The following NUP88 variants were observed in gnomAD, a reference collection of about 807,000 sequenced individuals.
NUP88 encodes nucleoporin 88, also known as nuclear pore complex protein Nup88.
In NUP88, 57 loss-of-function variants were observed where a neutral mutation model predicts 93.9. The observed-to-expected ratio is 0.61, with a 90% CI of 0.49 to 0.76. The LOEUF (loss-of-function observed/expected upper bound fraction) is 0.76, where lower values mean the gene tolerates loss of function less well. Ranked by LOEUF, NUP88 falls within the 30% of genes least tolerant of loss-of-function variation. NUP88 has a pLI of 0.00. For missense variants in NUP88, 911 were observed against 901.0 expected (o/e 1.01, Z -0.14); for synonymous variants, 346 against 336.8 (o/e 1.03, Z -0.30).
In NUP88 at chr17:5,410,752, C is replaced by T. The variant is rs370486112; in HGVS notation, c.631G>A (p.Val211Met). 46 of 1,612,904 alleles carry T rather than the reference C, an allele frequency of 2.9e-5. No individual in the cohort carries two copies. The Admixed American group carries it at 4.5e-4, about 16-fold the overall frequency. The stretch of plus-strand genomic sequence containing the variant: ...TCTTCGGCTTCTGAAAGTATTATCA[C>T]GTTAGTGGGTGTCTGCGGCTCACGT... ...SLREPQTPTN[V>M]IILSEAEEES... Residue 211 changes from valine (V) to methionine (M), a missense_variant, in exon 4 of 17, where the codon GTG becomes ATG. Val to Met is a conservative substitution (Grantham distance 21, BLOSUM62 1). Coordinates refer to ENST00000573584, the MANE Select transcript of NUP88 (RefSeq NM_002532.6).
chr17:5,419,018 T>G (rs942293106), intron 1 of NUP88, among the ~76,000 whole-genome samples: 1 of 152,236 alleles, frequency 6.6e-6, no homozygotes, highest in South Asian at 2.1e-4. Flanking sequence ...TAACCTATTA[T>G]AAGCGTCACA....
At chr17:5,400,493 C>CAAA (rs1187634728) in intron 7 of NUP88, among the ~76,000 whole-genome samples, 28 of 44,690 alleles carry the variant, frequency 6.3e-4, no homozygotes, top group African/African-American at 1.6e-3. Flanking sequence ...AACTCCGTCT[C>CAAA]AAAAAAAAAA....
chr17:5,392,763 T>C (rs952553901), intron 9 of NUP88, among the ~76,000 whole-genome samples: 1 of 152,224 alleles, frequency 6.6e-6, no homozygotes, highest in African/African-American at 2.4e-5. Context: ...TGTTTAATTT[T>C]ACCTGTTTCT....
chr17:5,390,637 G>A (rs890240536), intron 10 of NUP88, among the ~76,000 whole-genome samples: 1 of 152,116 alleles, frequency 6.6e-6, no homozygotes, highest in South Asian at 2.1e-4. Flanking sequence ...GTTGGAAAAG[G>A]AACATAGTGA....
chr17:5,395,222 ATT>A (rs1232931977), intron 8 of NUP88, among the ~76,000 whole-genome samples: 3 of 152,180 alleles, frequency 2.0e-5, no homozygotes, highest in African/African-American at 7.2e-5. Context: ...CAGTGAAATC[ATT>A]CTCTTCTAGG....
At chr17:5,399,430 A>G (rs776914190) in intron 8 of NUP88, 122 bp downstream of exon 8, 129 of 585,664 alleles carry the variant, frequency 2.2e-4, no homozygotes, top group Admixed American at 1.2e-3. Flanking sequence ...ATCTTTTCAA[A>G]GAACCTTTCG....
At chr17:5,411,532 G>A (rs944896809) in intron 3 of NUP88, among the ~76,000 whole-genome samples, 3 of 144,140 alleles carry the variant, frequency 2.1e-5, no homozygotes, top group South Asian at 4.4e-4. Flanking sequence ...AGTGAGCCAA[G>A]ATCACGCCAC....
At chr17:5,387,716 G>C in intron 12 of NUP88, 46 bp from the exon 13 acceptor site, 1 of 1,608,706 alleles carries the variant, frequency 6.2e-7, no homozygotes, top group Non-Finnish European at 8.5e-7. Context: ...GCCAGGTCTA[G>C]GCTACCATAC....
In NUP88 at chr17:5,410,822, A is replaced by T. The variant is rs755671582; in HGVS notation, c.594-33T>A. On this transcript the variant is annotated intron_variant, in intron 3 of 16. Transcript: ENST00000573584. ...CCAAAAGAGAAGAAAACCAGCACTT[A>T]AAATTCTGTTTTCATTTCCCAAAAC... is the stretch of plus-strand genomic sequence containing the variant. 2.8e-6 allele frequency: 4 copies of T among 1,427,708 alleles called. No homozygotes were observed. In the Admixed American group the frequency reaches 7.6e-5, roughly 27 times the overall value. The allele number at this position is 1,427,708 out of a possible 1,614,324, so 88.4% of individuals were successfully genotyped here. A position where few individuals can be genotyped will look rare whatever the true frequency, so the allele number is the denominator to read the frequency against.
intron 7 of NUP88, among the ~76,000 whole-genome samples, chr17:5,401,158 C>T (rs544619136): frequency 1.2e-4 from 18 of 152,016 alleles, no homozygotes; most frequent in Non-Finnish European, 2.2e-4. Context: ...CCAAGGTGGG[C>T]GGATCACCTC....
At chr17:5,395,593 A>T (rs1461420211) in intron 8 of NUP88, among the ~76,000 whole-genome samples, 1 of 151,658 alleles carries the variant, frequency 6.6e-6, no homozygotes, top group Non-Finnish European at 1.5e-5. Context: ...CAGTGGCCCA[A>T]TCTCTGCTCA....
At chr17:5,408,950 C>A (rs765003160) in intron 4 of NUP88, 41 bp from the exon 5 acceptor site, 5 of 1,461,200 alleles carry the variant, frequency 3.4e-6, no homozygotes, top group Admixed American at 2.6e-5. Context: ...AAAACAAAAA[C>A]AACAAAAAGT....
intron 5 of NUP88, among the ~76,000 whole-genome samples, chr17:5,406,866 G>A (rs1913527310): frequency 6.6e-6 from 1 of 152,130 alleles, no homozygotes; most frequent in South Asian, 2.1e-4. Context: ...CCTGGGCTGC[G>A]CGCAGCCCGT....
chr17:5,394,336 AAGG>A (rs1462453563), intron 9 of NUP88, among the ~76,000 whole-genome samples: 1 of 152,182 alleles, frequency 6.6e-6, no homozygotes, highest in East Asian at 1.9e-4. Context: ...GGCGGGACTG[AAGG>A]AGAACCTGGA....
chr17:5,386,331 A>AG, intron 16 of NUP88, 62 bp from the exon 17 acceptor site: 1 of 1,290,666 alleles, frequency 7.7e-7, no homozygotes, highest in Non-Finnish European at 1.1e-6. Context: ...TGGATTCTTA[A>AG]GAATTTAAAC....
At chr17:5,393,931 G>C (rs935333708) in intron 9 of NUP88, among the ~76,000 whole-genome samples, 5 of 152,168 alleles carry the variant, frequency 3.3e-5, no homozygotes, top group African/African-American at 1.2e-4. Flanking sequence ...ACAGAATAAA[G>C]GGAGGTATCT....
intron 10 of NUP88, among the ~76,000 whole-genome samples, chr17:5,391,034 G>C (rs1173079463): frequency 6.6e-6 from 1 of 152,130 alleles, no homozygotes; most frequent in Non-Finnish European, 1.5e-5. Flanking sequence ...GGCAGAGATG[G>C]AGAAATTAAA....
At chr17:5,393,598 G>A (rs908002708) in intron 9 of NUP88, among the ~76,000 whole-genome samples, 4 of 151,670 alleles carry the variant, frequency 2.6e-5, no homozygotes, top group Non-Finnish European at 4.4e-5. Flanking sequence ...CACCATGCCT[G>A]GCTAATTTTT....
rs1912433538 is a variant in NUP88 at position 5,391,562 on chromosome 17, A to G, written c.1483T>C (p.Leu495=). 2.5e-6 allele frequency: 4 copies of G among 1,609,296 alleles called. No individual in the cohort carries two copies. Among genetic ancestry groups the G allele is most frequent in the East Asian group, 2.2e-5 (1 of 44,874 alleles). ...TGGAGAATATAAAATGGGACGTACA[A>G]TAACGGCCATATGAGGCATTCATAG... is the stretch of plus-strand genomic sequence containing the variant. ...STYECLIWPL[L]STVHPASPPL... The change falls in exon 10 of 17, where the codon TTA becomes CTA. Residue 495 remains leucine, a splice_region_variant and synonymous_variant. Coordinates refer to ENST00000573584, the MANE Select transcript of NUP88 (RefSeq NM_002532.6).
Sources: gnomAD v4.1 joint callset for allele counts (sites outside exome capture counted in the v4.1 genomes callset) on GRCh38, gnomAD v4.1.1 for gene constraint, MANE v1.5 for transcripts, NCBI Gene and HGNC (gene_info 2026-07-23, HGNC 2026-07-21) for gene names.